The following PCDHA10 variants were observed in gnomAD, a reference collection of about 807,000 sequenced individuals.
PCDHA10 encodes the protein protocadherin alpha 10.
Under a neutral mutation model 61.2 loss-of-function variants are expected in PCDHA10, and 45 were observed. The ratio of observed to expected loss-of-function variants is 0.74; its 90% CI spans 0.58 to 0.94. PCDHA10 has a LOEUF of 0.94. PCDHA10 is among the 40% of genes least tolerant of loss of function. PCDHA10 has a pLI of 0.00. For missense variants in PCDHA10, 1,278 were observed against 1,236.2 expected, an observed-to-expected ratio of 1.03 and a Z score of -0.51; for synonymous variants, 602 against 548.8, an observed-to-expected ratio of 1.10 and a Z score of -1.35.
chr5:140,927,607 C>T, intron 1 of PCDHA10: 2 of 1,614,180 alleles, frequency 1.2e-6, no homozygotes, highest in Non-Finnish European at 8.5e-7. Flanking sequence ...CTCCGTATAC[C>T]GCACCAAGGT....
At chr5:140,953,952 C>G (rs1025145135) in intron 1 of PCDHA10, among the ~76,000 whole-genome samples, 1 of 152,084 alleles carries the variant, frequency 6.6e-6, no homozygotes, top group Non-Finnish European at 1.5e-5. Flanking sequence ...GCTCCCCCAA[C>G]AGGCCCCAGT....
At chr5:141,005,680 C>T (rs1389178600) in intron 3 of PCDHA10, among the ~76,000 whole-genome samples, 6 of 111,878 alleles carry the variant, frequency 5.4e-5, no homozygotes, top group East Asian at 2.8e-4. Flanking sequence ...CCAGCCTGGG[C>T]GACAGAGCGA....
chr5:140,993,811 G>A (rs1554253953), intron 3 of PCDHA10, among the ~76,000 whole-genome samples: 3 of 152,154 alleles, frequency 2.0e-5, no homozygotes, highest in African/African-American at 2.4e-5. Flanking sequence ...TGTAGCCTAG[G>A]AGCAATAGGC....
intron 1 of PCDHA10, chr5:140,877,422 G>T (rs781813282): frequency 6.2e-7 from 1 of 1,613,902 alleles, no homozygotes; most frequent in Non-Finnish European, 8.5e-7. Flanking sequence ...TGCTGGTGCT[G>T]GTGAAGGACC....
At chr5:140,876,283 G>A in intron 1 of PCDHA10, 1 of 1,614,056 alleles carries the variant, frequency 6.2e-7, no homozygotes. Flanking sequence ...CGATCCAGAC[G>A]AAGGACTTAA....
chr5:140,857,101 C>T lies in PCDHA10; in HGVS notation c.1053C>T (p.Val351=), dbSNP rs781855221. 2 of 1,597,612 alleles carry T rather than the reference C, an allele frequency of 1.3e-6. No homozygotes were observed. Among genetic ancestry groups the T allele is most frequent in the Non-Finnish European group, 1.7e-6 (2 of 1,167,174 alleles). Residue 351 remains valine, a synonymous_variant, in exon 1 of 4, where the codon GTC becomes GTT. Transcript: ENST00000307360. ...ATGATAATTCACCTGAGGTGATTGT[C>T]ACTTCTCTGTCTCTCCCAGTGAAAG... The part of the protein sequence containing the change: ...DENDNSPEVI[V]TSLSLPVKED...
chr5:140,905,154 A>C (rs2071632233), intron 1 of PCDHA10, among the ~76,000 whole-genome samples: 1 of 152,040 alleles, frequency 6.6e-6, no homozygotes, highest in Admixed American at 6.6e-5. Context: ...ATATTTTAGA[A>C]TTTTCATGGT....
Position 141,009,792 on chromosome 5 carries a change from C to T in PCDHA10, c.2702C>T (p.Pro901Leu). Residue 901 changes from proline (P) to leucine (L), a missense_variant, in exon 4 of 4, where the codon CCT (proline) becomes CTT (leucine). Physicochemically the swap from Pro to Leu is moderately conservative, Grantham distance 98. Transcript: ENST00000307360. ...GCAATCATCTCCATCCGGCAGGAGC[C>T]TACTAACAGCCAAATTGACAAAAGT... ...SPAIISIRQEPTNSQIDKSDF... is the reference protein window; with the variant it reads ...SPAIISIRQELTNSQIDKSDF... 1 of 1,614,068 alleles carries T rather than the reference C, an allele frequency of 6.2e-7. No individual in the cohort carries two copies. The highest frequency in any genetic ancestry group is 8.5e-7 in the Non-Finnish European group (1 of 1,180,026).
chr5:140,884,792 G>A, intron 1 of PCDHA10: 1 of 1,312,776 alleles, frequency 7.6e-7, no homozygotes. Flanking sequence ...AGTTGTTATC[G>A]AATTTAACAA....
intron 3 of PCDHA10, among the ~76,000 whole-genome samples, chr5:140,994,753 G>A (rs143791883): frequency 1.1e-4 from 16 of 152,252 alleles, no homozygotes; most frequent in African/African-American, 3.9e-4. Context: ...AGTAGGATGT[G>A]GAGAGGAAGA....
chr5:140,927,015 G>A, intron 1 of PCDHA10: 1 of 1,612,466 alleles, frequency 6.2e-7, no homozygotes. Context: ...ATCTCTCCGC[G>A]GACTTGAGGC....
chr5:140,987,293 T>C (rs2097246211), intron 3 of PCDHA10, among the ~76,000 whole-genome samples: 1 of 152,134 alleles, frequency 6.6e-6, no homozygotes, highest in African/African-American at 2.4e-5. Context: ...TAACAAGCCT[T>C]CTATGTGATA....
At chr5:140,917,352 C>G (rs2078160172) in intron 1 of PCDHA10, among the ~76,000 whole-genome samples, 1 of 141,764 alleles carries the variant, frequency 7.1e-6, no homozygotes, top group African/African-American at 2.6e-5. Context: ...GTGTAGGCTT[C>G]TGTTCCACTA....
At chr5:140,936,875 C>T (rs1052156307) in intron 1 of PCDHA10, among the ~76,000 whole-genome samples, 13 of 151,832 alleles carry the variant, frequency 8.6e-5, no homozygotes, top group Non-Finnish European at 1.5e-5. Flanking sequence ...TTTAAAAAAC[C>T]CTGCTTTGAT....
chr5:141,007,470 A>G (rs1395064697), intron 3 of PCDHA10, among the ~76,000 whole-genome samples: 2 of 151,494 alleles, frequency 1.3e-5, no homozygotes. Context: ...CAGGAGGCTG[A>G]GGCACGAGAA....
chr5:140,869,589 T>A, intron 1 of PCDHA10: 1 of 1,614,120 alleles, frequency 6.2e-7, no homozygotes. Context: ...ATGCTGACAT[T>A]GAAGAGAATG....
At chr5:140,927,556 A>G (rs1428283255) in intron 1 of PCDHA10, 15 of 1,614,022 alleles carry the variant, frequency 9.3e-6, no homozygotes, top group African/African-American at 1.3e-5. Flanking sequence ...AGTCACCATC[A>G]TTGTGGTGGA....
At chr5:140,867,774 G>A (rs937544863) in intron 1 of PCDHA10, 2 of 151,934 alleles carry the variant, frequency 1.3e-5, no homozygotes, top group African/African-American at 4.8e-5. Flanking sequence ...ACTCTCATAA[G>A]CAATTCCTGT....
At chr5:140,858,775 A>C (rs2045585315) in intron 1 of PCDHA10, 2 of 422,450 alleles carry the variant, frequency 4.7e-6, no homozygotes, top group Non-Finnish European at 8.6e-6. Context: ...TGAGATTAGT[A>C]CTTCATGTTA....
Sources: allele counts gnomAD v4.1 joint callset (sites outside exome capture counted in the v4.1 genomes callset), GRCh38; gene constraint gnomAD v4.1.1; transcripts MANE v1.5; gene names NCBI Gene and HGNC (gene_info 2026-07-23, HGNC 2026-07-21).